ATF6B: variants seen among roughly 807,000 people sequenced by gnomAD.
ATF6B encodes activating transcription factor 6 beta.
A neutral mutation model predicts 83.5 loss-of-function variants in ATF6B; 50 were observed. The observed-to-expected ratio is 0.60, with a 90% CI of 0.48 to 0.76. ATF6B has a LOEUF of 0.76. Among genes scored for constraint, ATF6B ranks in the 30% least tolerant of loss-of-function variants. ATF6B has a pLI of 0.00. For missense variants in ATF6B, 790 were observed against 893.8 expected (o/e 0.88, Z 1.48); for synonymous variants, 344 against 362.8 (o/e 0.95, Z 0.59).
chr6:32,115,981 G>A lies in ATF6B; in HGVS notation c.1883-13C>T. The A allele has an allele frequency of 1.2e-6, 2 of 1,603,504 alleles. No individual in the cohort carries two copies. Among genetic ancestry groups the A allele is most frequent in the Non-Finnish European group, 8.5e-7 (1 of 1,171,868 alleles). On this transcript the variant is annotated splice_polypyrimidine_tract_variant and intron_variant, in intron 17 of 17. Transcript: ENST00000375203. The stretch of plus-strand genomic sequence containing the variant: ...CCTGACAGGGTCTCTGTGAGAAGGG[G>A]AGAGTTAAGGAAGAGGAGATGGGGA...
chr6:32,127,599 C>T lies in ATF6B; in HGVS notation c.171+72G>A, dbSNP rs556020683. 2.5e-6 allele frequency: 4 copies of T among 1,611,150 alleles called. No homozygotes were observed. The Admixed American group carries it at 6.7e-5, about 27-fold the overall frequency. On this transcript the variant is annotated intron_variant, in intron 2 of 17. Coordinates refer to ENST00000375203, the MANE Select transcript of ATF6B (RefSeq NM_004381.5). ...GGGGTGACTCCAGATGAGTTATGGC[C>T]TGTGAATGGGTCCAGGTTCTGGGCT...
At chr6:32,127,279 C>T in intron 3 of ATF6B, 85 bp from the exon 4 acceptor site, 1 of 1,399,618 alleles carries the variant, frequency 7.1e-7, no homozygotes, top group East Asian at 2.4e-5. Flanking sequence ...GGTGGGGATT[C>T]CTGTACCGCA....
intron 8 of ATF6B, 141 bp downstream of exon 8, chr6:32,120,630 T>TA: frequency 9.5e-7 from 1 of 1,053,744 alleles, no homozygotes; most frequent in Non-Finnish European, 1.3e-6. Context: ...TTTGTATTTT[T>TA]AGTAGAGACA....
Position 32,117,245 on chromosome 6 carries a change from T to G in ATF6B, c.1614+78A>C. The G allele has an allele frequency of 2.6e-6, 4 of 1,559,820 alleles. No homozygotes were observed. The highest frequency in any genetic ancestry group is 3.5e-6 in the Non-Finnish European group (4 of 1,142,294). ...GATCCCTCAAACTTCCACAGCGAGA[T>G]GCCCACTAGAAATCCCCAGACAAGG... On this transcript the variant is annotated intron_variant, in intron 14 of 17. Coordinates refer to ENST00000375203, the MANE Select transcript of ATF6B (RefSeq NM_004381.5). This position sits in a 1 kb window ranked among gnomAD's most constrained non-coding sequence, Gnocchi z 5.0.
In ATF6B at chr6:32,116,836, G is replaced by A. The variant is rs1316707025; in HGVS notation, c.1686-21C>T. On this transcript the variant is annotated intron_variant, in intron 15 of 17. Coordinates refer to ENST00000375203, the MANE Select transcript of ATF6B (RefSeq NM_004381.5). This position sits in a 1 kb window ranked among gnomAD's most constrained non-coding sequence, Gnocchi z 5.1. ...AATCCCTAGGCAGGTGGGGAAACAG[G>A]ATTTGAGGGGAACTAAGCCCAATGC... 1.2e-6 allele frequency: 2 copies of A among 1,610,512 alleles called. No homozygotes were observed. Among genetic ancestry groups the A allele is most frequent in the South Asian group, 1.1e-5 (1 of 91,000 alleles).
At position 32,118,420 on chromosome 6, in the gene ATF6B, C is replaced by T. The variant is rs529765301; in HGVS notation, c.1244+355G>A. 7.8e-4 allele frequency among the ~76,000 whole-genome samples: 119 copies of T among 152,220 alleles called. No homozygotes were observed. The highest frequency in any genetic ancestry group is 3.4e-3 in the Middle Eastern group (1 of 294). On this transcript the variant is annotated intron_variant, in intron 11 of 17. Coordinates refer to ENST00000375203, the MANE Select transcript of ATF6B (RefSeq NM_004381.5). The surrounding 1 kb of genome is among the most constrained non-coding windows in gnomAD (Gnocchi z 5.2). ...CCAGCCTGGGCAACAACAGTGAAACCCTGTCTCTACTAAAAAATACAAAAA... is the reference window on the plus strand; with the variant it reads ...CCAGCCTGGGCAACAACAGTGAAACTCTGTCTCTACTAAAAAATACAAAAA...
chr6:32,128,174 C>T lies in ATF6B; in HGVS notation c.34G>A (p.Asp12Asn). Reference protein sequence around the residue: ...AELMLLSEIADPTRFFTDNLL... With the variant: ...AELMLLSEIANPTRFFTDNLL... Reference sequence around the variant, plus strand: ...TTGTCGGTGAAGAAACGCGTCGGGTCAGCAATCTCGCTGAGCAGCATCAGC... The same window carrying T: ...TTGTCGGTGAAGAAACGCGTCGGGTTAGCAATCTCGCTGAGCAGCATCAGC... The change falls in exon 1 of 18, where the codon GAC becomes AAC. Residue 12 changes from aspartate to asparagine, a missense_variant. Asp to Asn is a conservative substitution (Grantham distance 23, BLOSUM62 1). Transcript: ENST00000375203. 6.2e-7 allele frequency: 1 copy of T among 1,612,818 alleles called. No individual in the cohort carries two copies. Among genetic ancestry groups the T allele is most frequent in the Admixed American group, 1.7e-5 (1 of 59,960 alleles).
chr6:32,125,622 G>C lies in ATF6B; in HGVS notation c.478+495C>G, dbSNP rs185234659. ...TAAAAATACAAAAAATTAGCTGGGC[G>C]TGGTGGTGGGTGCCTGTAATCCCAG... is the stretch of plus-strand genomic sequence containing the variant. On this transcript the variant is annotated intron_variant, in intron 5 of 17. Transcript: ENST00000375203. This position sits in a 1 kb window ranked among gnomAD's most constrained non-coding sequence, Gnocchi z 4.1. 5.3e-5 allele frequency among the ~76,000 whole-genome samples: 8 copies of C among 152,134 alleles called. 1 individual carries two copies. The highest frequency in any genetic ancestry group is 5.2e-4 in the Admixed American group (8 of 15,270).
At chr6:32,128,058 C>A in intron 1 of ATF6B, 59 bp downstream of exon 1, 1 of 1,596,258 alleles carries the variant, frequency 6.3e-7, no homozygotes, top group Non-Finnish European at 8.6e-7. Flanking sequence ...GCCCCCGCTT[C>A]TTTCCCGCGT....
Position 32,119,719 on chromosome 6 carries a change from T to C in ATF6B, c.966+105A>G. 2 of 1,494,162 alleles carry C rather than the reference T, an allele frequency of 1.3e-6. No homozygotes were observed. The highest frequency in any genetic ancestry group is 2.3e-5 in the East Asian group (1 of 42,956). 92.6% of individuals were successfully genotyped at this position (1,494,162 alleles called of 1,614,324 possible). On this transcript the variant is annotated intron_variant, in intron 9 of 17. Transcript: ENST00000375203. This position sits in a 1 kb window ranked among gnomAD's most constrained non-coding sequence, Gnocchi z 4.9. ...TAATGGGTCCGTTTCCTCACTTTTTTCTCCTAGGTATCGACTCCCTCCTCA... is the reference window on the plus strand; with the variant it reads ...TAATGGGTCCGTTTCCTCACTTTTTCCTCCTAGGTATCGACTCCCTCCTCA...
chr6:32,119,193 A>C lies in ATF6B; in HGVS notation c.967-52T>G. On this transcript the variant is annotated intron_variant, in intron 9 of 17. Transcript: ENST00000375203. This position sits in a 1 kb window ranked among gnomAD's most constrained non-coding sequence, Gnocchi z 4.9. ...ATGACAGATGAGTTGGCAGAAGGAG[A>C]CTATGCTCTCAAACCCCAAGGAATG... The C allele has an allele frequency of 1.9e-6, 3 of 1,548,758 alleles. No homozygotes were observed. The highest frequency in any genetic ancestry group is 2.6e-6 in the Non-Finnish European group (3 of 1,151,292).
rs753043823 is a variant in ATF6B, at chr6:32,119,868, C to T, written c.922G>A (p.Val308Ile). 15 of 1,614,038 alleles carry T rather than the reference C, an allele frequency of 9.3e-6. No homozygotes were observed. Among genetic ancestry groups the T allele is most frequent in the East Asian group, 2.2e-5 (1 of 44,890 alleles). The change falls in exon 9 of 18, where the codon GTT becomes ATT. Residue 308 changes from valine (V) to isoleucine (I), a missense_variant. By Grantham distance (29) the Val-to-Ile change is conservative. Coordinates refer to ENST00000375203, the MANE Select transcript of ATF6B (RefSeq NM_004381.5). This position sits in a 1 kb window ranked among gnomAD's most constrained non-coding sequence, Gnocchi z 4.9. Reference protein sequence around the residue: ...SLPRPERKSIVPAPMPGNSCP... With the variant: ...SLPRPERKSIIPAPMPGNSCP... ...GAGTTTCCAGGCATAGGAGCGGGAA[C>T]GATGCTCTTCCTCTCAGGCCGTGGT...
chr6:32,126,328 G>A, intron 4 of ATF6B, 76 bp from the exon 5 acceptor site: 1 of 1,535,202 alleles, frequency 6.5e-7, no homozygotes, highest in Non-Finnish European at 8.8e-7. Flanking sequence ...GTAAGAGCGA[G>A]AACAAAAGCT....
rs1781656357 is a variant in ATF6B at position 32,119,184 on chromosome 6, CAGA to C, written c.967-46_967-44del. 2 of 1,564,818 alleles carry C rather than the reference CAGA, an allele frequency of 1.3e-6. No homozygotes were observed. The highest frequency in any genetic ancestry group is 1.7e-6 in the Non-Finnish European group (2 of 1,159,206). On this transcript the variant is annotated intron_variant, in intron 9 of 17. Coordinates refer to ENST00000375203, the MANE Select transcript of ATF6B (RefSeq NM_004381.5). The surrounding 1 kb of genome is among the most constrained non-coding windows in gnomAD (Gnocchi z 4.9). ...CAAAAAAGAATGACAGATGAGTTGGCAGAAGGAGACTATGCTCTCAAACCCCAA... is the reference window on the plus strand; with the variant it reads ...CAAAAAAGAATGACAGATGAGTTGGCAGGAGACTATGCTCTCAAACCCCAA...
chr6:32,122,207 A>T (rs1781791926), intron 5 of ATF6B, among the ~76,000 whole-genome samples: 1 of 152,164 alleles, frequency 6.6e-6, no homozygotes, highest in Admixed American at 6.5e-5. Flanking sequence ...AACTGGCCAT[A>T]AATGAGGCTT....
Position 32,120,115 on chromosome 6 carries a change from TG to T in ATF6B, c.833-159del, listed in dbSNP as rs779875270. The T allele has an allele frequency of 1.6e-3, 1,570 of 952,458 alleles. 7 individuals carry two copies. Among genetic ancestry groups the T allele is most frequent in the Non-Finnish European group, 2.1e-3 (1,420 of 668,938 alleles). The allele number at this position is 952,458 out of a possible 1,614,324, so 59.0% of individuals were successfully genotyped here. A position where few individuals can be genotyped will look rare whatever the true frequency, so the allele number is the denominator to read the frequency against. On this transcript the variant is annotated intron_variant, in intron 8 of 17. Coordinates refer to ENST00000375203, the MANE Select transcript of ATF6B (RefSeq NM_004381.5). The stretch of plus-strand genomic sequence containing the variant: ...CTCCTTTTCTCCTTTTTTTCTTTTT[TG>T]AGATGCAGTCTTGCTCTGTCGACCA...
In ATF6B at chr6:32,117,761, T is replaced by C. The variant is rs1273212680; in HGVS notation, c.1425-67A>G. ...AGCACTCCCACAACAAAGAAGGCGA[T>C]GACGGCAAGAGAAAGCTTTGGGTCC... is the stretch of plus-strand genomic sequence containing the variant. On this transcript the variant is annotated intron_variant, in intron 12 of 17. Coordinates refer to ENST00000375203, the MANE Select transcript of ATF6B (RefSeq NM_004381.5). The surrounding 1 kb of genome is among the most constrained non-coding windows in gnomAD (Gnocchi z 5.0). The C allele has an allele frequency of 1.9e-6, 3 of 1,586,834 alleles. No homozygotes were observed. The highest frequency in any genetic ancestry group is 2.7e-5 in the African/African-American group (2 of 74,256).
At chr6:32,123,010 T>C (rs1180067988) in intron 5 of ATF6B, among the ~76,000 whole-genome samples, 1 of 151,770 alleles carries the variant, frequency 6.6e-6, no homozygotes, top group Non-Finnish European at 1.5e-5. Flanking sequence ...GTGGATTGCT[T>C]GAAGCCAGGA....
At chr6:32,128,035 A>G in intron 1 of ATF6B, 82 bp downstream of exon 1, 1 of 1,537,948 alleles carries the variant, frequency 6.5e-7, no homozygotes, top group Non-Finnish European at 8.9e-7. Context: ...ATTTGCCCAG[A>G]CTTCCTCTTT....
Sources: allele counts gnomAD v4.1 joint callset (sites outside exome capture counted in the v4.1 genomes callset), GRCh38; gene constraint gnomAD v4.1.1; non-coding constraint Gnocchi (gnomAD v3.1); transcripts MANE v1.5; gene names NCBI Gene and HGNC (gene_info 2026-07-23, HGNC 2026-07-21).